JAZF1: variants seen among roughly 807,000 people sequenced by gnomAD.
JAZF1 encodes the protein juxtaposed with another zinc finger protein 1.
JAZF1 carries 8 observed loss-of-function variants against 26.4 expected under a neutral mutation model. That is an observed-to-expected ratio of 0.30 (90% CI 0.18 to 0.55). JAZF1 has a LOEUF of 0.55. JAZF1 is among the 20% of genes least tolerant of loss of function. The pLI is 0.94. For synonymous variants in JAZF1, 126 were observed against 122.3 expected (o/e 1.03, Z -0.20); for missense variants, 199 against 322.0 (o/e 0.62, Z 2.92).
chr7:28,105,385 T>C (rs1784535177), intron 1 of JAZF1, among the ~76,000 whole-genome samples: 2 of 152,236 alleles, frequency 1.3e-5, no homozygotes. Flanking sequence ...GCATTGTGAC[T>C]CCTGGTGAGG....
chr7:28,162,237 C>T (rs752833201), intron 1 of JAZF1, among the ~76,000 whole-genome samples: 5 of 152,168 alleles, frequency 3.3e-5, no homozygotes, highest in African/African-American at 7.2e-5. Context: ...TGCCCCAGTG[C>T]CTTTGCAGTT....
Position 27,888,312 on chromosome 7 carries a change from TTCTC to T in JAZF1, c.385+6904_385+6907del, listed in dbSNP as rs1397974727. ...TTTCCACTATTAAACAGAATAGTATTTCTCTCTCTGAGATTTTTCCTTCCATTTT... is the reference window on the plus strand; with the variant it reads ...TTTCCACTATTAAACAGAATAGTATTTCTCTGAGATTTTTCCTTCCATTTT... On this transcript the variant is annotated intron_variant, in intron 3 of 4. Transcript: ENST00000283928. 5.9e-5 allele frequency among the ~76,000 whole-genome samples: 9 copies of T among 152,346 alleles called. No individual in the cohort carries two copies. In the South Asian group the frequency reaches 8.3e-4, roughly 14 times the overall value.
At chr7:27,837,715 G>A (rs775563880) in intron 4 of JAZF1, among the ~76,000 whole-genome samples, 21 of 152,042 alleles carry the variant, frequency 1.4e-4, no homozygotes, top group Non-Finnish European at 2.9e-4. Flanking sequence ...CTGAGGGAGA[G>A]AGGAAGGGAC....
chr7:27,999,732 T>C (rs887548706), intron 1 of JAZF1, among the ~76,000 whole-genome samples: 10 of 152,126 alleles, frequency 6.6e-5, no homozygotes, highest in African/African-American at 2.2e-4. Context: ...GTGTCCATGA[T>C]GATATATGAT....
intron 2 of JAZF1, among the ~76,000 whole-genome samples, chr7:27,930,890 T>C (rs115205419): frequency 0.032 from 4,911 of 152,048 alleles, 278 homozygotes; most frequent in African/African-American, 0.11. Flanking sequence ...AACACAGCCA[T>C]CAGCAGGACA....
intron 1 of JAZF1, among the ~76,000 whole-genome samples, chr7:27,995,050 A>C (rs1205265433): frequency 6.6e-6 from 1 of 152,226 alleles, no homozygotes; most frequent in East Asian, 1.9e-4. Flanking sequence ...AACAAACTGG[A>C]AAGAGTAACA....
intron 2 of JAZF1, 60 bp from the exon 3 acceptor site, chr7:27,895,476 CATTT>C: frequency 7.9e-7 from 1 of 1,266,852 alleles, no homozygotes; most frequent in South Asian, 1.6e-5. Context: ...GGACTGATGA[CATTT>C]ATTAGAGTTT....
intron 2 of JAZF1, among the ~76,000 whole-genome samples, chr7:27,971,000 T>A (rs888126055): frequency 2.0e-5 from 3 of 152,196 alleles, no homozygotes; most frequent in African/African-American, 7.2e-5. Flanking sequence ...AGATTCCAGA[T>A]GACAGAGAAG....
chr7:28,052,023 G>C (rs1783626205), intron 1 of JAZF1, among the ~76,000 whole-genome samples: 1 of 152,072 alleles, frequency 6.6e-6, no homozygotes, highest in Non-Finnish European at 1.5e-5. Flanking sequence ...CTCATGTGAT[G>C]TTTAAAGGAA....
intron 1 of JAZF1, among the ~76,000 whole-genome samples, chr7:28,127,810 C>A (rs1399364228): frequency 6.6e-6 from 1 of 152,074 alleles, no homozygotes; most frequent in Non-Finnish European, 1.5e-5. Flanking sequence ...AAGTGCCGAG[C>A]AAAAGGGGGA....
chr7:28,119,314 CT>C (rs1035222455), intron 1 of JAZF1, among the ~76,000 whole-genome samples: 5 of 152,156 alleles, frequency 3.3e-5, no homozygotes, highest in Non-Finnish European at 4.4e-5. Context: ...GTATCTAAAA[CT>C]AACCATTAAT....
At chr7:28,137,203 C>T (rs1011612679) in intron 1 of JAZF1, among the ~76,000 whole-genome samples, 9 of 152,192 alleles carry the variant, frequency 5.9e-5, no homozygotes, top group Non-Finnish European at 1.2e-4. Context: ...GCCTCTGAGG[C>T]TCAGTAAGCA....
intron 2 of JAZF1, among the ~76,000 whole-genome samples, chr7:27,940,556 G>A (rs1176357986): frequency 1.3e-5 from 2 of 152,182 alleles, no homozygotes; most frequent in African/African-American, 4.8e-5. Context: ...CTCTGATGAT[G>A]CTGCTGATTT....
At chr7:28,129,673 A>G (rs1473008470) in intron 1 of JAZF1, among the ~76,000 whole-genome samples, 1 of 152,208 alleles carries the variant, frequency 6.6e-6, no homozygotes, top group Non-Finnish European at 1.5e-5. Flanking sequence ...TCATTAAAGT[A>G]AGTTTTTAAT....
intron 2 of JAZF1, among the ~76,000 whole-genome samples, chr7:27,911,851 T>C (rs1034057578): frequency 6.6e-6 from 1 of 152,176 alleles, no homozygotes; most frequent in Non-Finnish European, 1.5e-5. Flanking sequence ...ACCTGCAGTA[T>C]AAATGGCAGG....
chr7:27,863,157 A>G (rs1431893796), intron 3 of JAZF1, among the ~76,000 whole-genome samples: 2 of 152,228 alleles, frequency 1.3e-5, no homozygotes, highest in Non-Finnish European at 2.9e-5. Context: ...TCAGGTGAAC[A>G]TGCAGATTTA....
At chr7:28,009,882 A>G (rs1782770360) in intron 1 of JAZF1, among the ~76,000 whole-genome samples, 1 of 152,232 alleles carries the variant, frequency 6.6e-6, no homozygotes, top group Non-Finnish European at 1.5e-5. Context: ...AAAAATTCAA[A>G]TCTTGCTGAA....
At chr7:28,062,288 G>C (rs1783810494) in intron 1 of JAZF1, among the ~76,000 whole-genome samples, 1 of 152,076 alleles carries the variant, frequency 6.6e-6, no homozygotes, top group Non-Finnish European at 1.5e-5. Context: ...TAGTTAGTTA[G>C]AGTGACCTCA....
intron 3 of JAZF1, among the ~76,000 whole-genome samples, chr7:27,880,515 C>A (rs1216670962): frequency 6.6e-6 from 1 of 151,762 alleles, no homozygotes; most frequent in East Asian, 2.0e-4. Flanking sequence ...TGCCTGTAAT[C>A]CCAGCTACTC....
Sources: gnomAD v4.1 joint callset for allele counts (sites outside exome capture counted in the v4.1 genomes callset) on GRCh38, gnomAD v4.1.1 for gene constraint, MANE v1.5 for transcripts, NCBI Gene and HGNC (gene_info 2026-07-23, HGNC 2026-07-21) for gene names.